The following PLXNC1 variants were observed in gnomAD, a reference collection of about 807,000 sequenced individuals.
The protein encoded by PLXNC1 is plexin-C1.
PLXNC1 carries 75 observed loss-of-function variants against 178.2 expected under a neutral mutation model. The ratio of observed to expected loss-of-function variants is 0.42; its 90% CI spans 0.35 to 0.51. The LOEUF is 0.51. PLXNC1 is among the 20% of genes least tolerant of loss of function. The pLI is 0.02. For missense variants in PLXNC1, 1,503 were observed against 1,984.4 expected (o/e 0.76, Z 4.61); for synonymous variants, 790 against 779.9 (o/e 1.01, Z -0.22).
At chr12:94,158,006 C>G (rs1010480821) in intron 1 of PLXNC1, 1 of 152,154 alleles carries the variant, frequency 6.6e-6, no homozygotes, top group African/African-American at 2.4e-5. Context: ...GCTCATGGGC[C>G]GTTTGAAAAA....
At chr12:94,288,583 T>C (rs1268767001) in intron 23 of PLXNC1, among the ~76,000 whole-genome samples, 1 of 152,226 alleles carries the variant, frequency 6.6e-6, no homozygotes, top group Non-Finnish European at 1.5e-5. Flanking sequence ...GTCCAGAACC[T>C]TCTGTGTGAT....
Position 94,213,872 on chromosome 12 carries a change from T to TG in PLXNC1, c.1554+4168_1554+4169insG, listed in dbSNP as rs1406866954. On this transcript the variant is annotated intron_variant, in intron 5 of 30. Transcript: ENST00000258526. ...GATCCAGTTTCCGCTTTCTACATTTTTTTTTTTTTTTTGAGATGGAGTCTT... is the reference window on the plus strand; with the variant it reads ...GATCCAGTTTCCGCTTTCTACATTTTGTTTTTTTTTTTTGAGATGGAGTCTT... 9.3e-4 allele frequency among the ~76,000 whole-genome samples: 140 copies of TG among 150,016 alleles called. 2 individuals carry two copies. Among genetic ancestry groups the TG allele is most frequent in the Middle Eastern group, 6.8e-3 (2 of 294 alleles).
At chr12:94,177,197 A>G (rs1565794412) in intron 2 of PLXNC1, among the ~76,000 whole-genome samples, 2 of 38,812 alleles carry the variant, frequency 5.2e-5, no homozygotes, top group South Asian at 6.0e-4. Context: ...GTATATATAT[A>G]TACGTATATA....
chr12:94,229,881 A>C (rs1278653040), intron 9 of PLXNC1, among the ~76,000 whole-genome samples: 2 of 152,226 alleles, frequency 1.3e-5, no homozygotes, highest in African/African-American at 4.8e-5. Context: ...GAAAATAATA[A>C]ACTTTTAATT....
rs1966278618 is a variant in PLXNC1 at position 94,279,658 on chromosome 12, G to A, written c.3775+9G>A. The A allele has an allele frequency of 1.2e-6, 2 of 1,613,486 alleles. No individual in the cohort carries two copies. The highest frequency in any genetic ancestry group is 1.3e-5 in the African/African-American group (1 of 75,044). ...TAATGAAATTGGTCTTGGTAAGGCGGTGCGGGAGCTATGTGGTCCCAGGCC... is the reference window on the plus strand; with the variant it reads ...TAATGAAATTGGTCTTGGTAAGGCGATGCGGGAGCTATGTGGTCCCAGGCC... On this transcript the variant is annotated intron_variant, in intron 22 of 30. Transcript: ENST00000258526.
chr12:94,208,719 G>A (rs1482560016), intron 4 of PLXNC1, among the ~76,000 whole-genome samples: 1 of 152,206 alleles, frequency 6.6e-6, no homozygotes, highest in East Asian at 1.9e-4. Flanking sequence ...TGGAATATCT[G>A]TGGAGTCCAA....
intron 5 of PLXNC1, among the ~76,000 whole-genome samples, chr12:94,210,766 A>T (rs946228755): frequency 4.6e-5 from 7 of 152,200 alleles, no homozygotes; most frequent in Admixed American, 2.0e-4. Context: ...TGGAGAAAAA[A>T]AATAATAATA....
rs768720097 is a variant in PLXNC1, at chr12:94,255,304, A to T, written c.3087+8A>T. On this transcript the variant is annotated splice_region_variant and intron_variant, in intron 17 of 30. Coordinates refer to ENST00000258526, the MANE Select transcript of PLXNC1 (RefSeq NM_005761.3). The stretch of plus-strand genomic sequence containing the variant: ...AGAACTTTCTTCCCTGAGGTAAAAG[A>T]GCATTGATCATATTCCGAAGGTTGA... The T allele has an allele frequency of 6.5e-7, 1 of 1,536,816 alleles. No individual in the cohort carries two copies. Among genetic ancestry groups the T allele is most frequent in the East Asian group, 2.2e-5 (1 of 44,520 alleles).
intron 1 of PLXNC1, among the ~76,000 whole-genome samples, chr12:94,165,901 G>GC (rs1469742616): frequency 6.6e-6 from 1 of 151,990 alleles, no homozygotes; most frequent in Non-Finnish European, 1.5e-5. Flanking sequence ...AGGGAAGAGG[G>GC]CAAACGGGTT....
intron 1 of PLXNC1, among the ~76,000 whole-genome samples, chr12:94,161,409 A>G (rs1268782294): frequency 2.0e-5 from 3 of 152,192 alleles, no homozygotes; most frequent in Non-Finnish European, 1.5e-5. Context: ...ATGACTGTCT[A>G]AACACTTACA....
In PLXNC1 at chr12:94,172,085, T is replaced by C. The variant is rs190616680; in HGVS notation, c.1203+2792T>C. On this transcript the variant is annotated intron_variant, in intron 2 of 30. Transcript: ENST00000258526. ...TATTCAGAAGCTTTCAGCTTCTCCC[T>C]TGCCAAGGCTTGTCACCAGAACTGT... Among the ~76,000 whole-genome samples the C allele has an allele frequency of 9.1e-3, 1,385 of 152,346 alleles. 16 individuals are homozygous for C. Among genetic ancestry groups the C allele is most frequent in the South Asian group, 0.025 (122 of 4,832 alleles).
At chr12:94,211,127 A>T (rs1364009790) in intron 5 of PLXNC1, among the ~76,000 whole-genome samples, 4 of 152,232 alleles carry the variant, frequency 2.6e-5, no homozygotes, top group Non-Finnish European at 5.9e-5. Context: ...GCTCACTATT[A>T]CAAATTAATC....
rs1386862896 is a variant in PLXNC1 at position 94,149,044 on chromosome 12, C to T, written c.73C>T (p.Leu25=). Residue 25 remains leucine (L), a synonymous_variant, in exon 1 of 31, where the codon CTG becomes TTG. Transcript: ENST00000258526. ...AGCGCCACTGCCCCTGCTCGCCTATCTGCTGGCACTGGCGGCTCCCGGCCG... is the reference window on the plus strand; with the variant it reads ...AGCGCCACTGCCCCTGCTCGCCTATTTGCTGGCACTGGCGGCTCCCGGCCG... ...PAAPLPLLAY[L]LALAAPGRGA... is the part of the protein sequence containing the mutation. The T allele has an allele frequency of 2.6e-6, 4 of 1,525,024 alleles. No individual in the cohort carries two copies. The highest frequency in any genetic ancestry group is 3.5e-6 in the Non-Finnish European group (4 of 1,143,862). 94.5% of individuals were successfully genotyped at this position (1,525,024 alleles called of 1,614,324 possible).
chr12:94,206,298 G>A (rs1963297467), intron 4 of PLXNC1, among the ~76,000 whole-genome samples: 2 of 151,764 alleles, frequency 1.3e-5, no homozygotes, highest in African/African-American at 4.8e-5. Flanking sequence ...GGAGGGGGCG[G>A]TTACATACTT....
intron 12 of PLXNC1, among the ~76,000 whole-genome samples, chr12:94,246,599 G>C (rs1964536633): frequency 1.3e-5 from 2 of 152,228 alleles, no homozygotes; most frequent in Non-Finnish European, 2.9e-5. Context: ...TTTGTCACGA[G>C]TATGGAACTG....
intron 5 of PLXNC1, among the ~76,000 whole-genome samples, chr12:94,213,868 A>AT (rs779977778): frequency 0.25 from 35,564 of 140,758 alleles, 4,787 homozygotes; most frequent in African/African-American, 0.32. Context: ...CGCTTTCTAC[A>AT]TTTTTTTTTT....
chr12:94,192,481 C>T (rs1285064188), intron 4 of PLXNC1, among the ~76,000 whole-genome samples: 1 of 151,086 alleles, frequency 6.6e-6, no homozygotes, highest in Non-Finnish European at 1.5e-5. Flanking sequence ...AACAAACAAC[C>T]CCCAAATCCT....
At chr12:94,280,461 C>T (rs1966354105) in intron 22 of PLXNC1, among the ~76,000 whole-genome samples, 2 of 152,336 alleles carry the variant, frequency 1.3e-5, no homozygotes, top group East Asian at 3.9e-4. Flanking sequence ...CCTCCCAGTC[C>T]AGCCCCCTGC....
intron 4 of PLXNC1, among the ~76,000 whole-genome samples, chr12:94,191,223 GC>G (rs1962710072): frequency 6.6e-6 from 1 of 152,108 alleles, no homozygotes; most frequent in African/African-American, 2.4e-5. Flanking sequence ...CTGGGTTCTG[GC>G]CTACAATGAA....
Sources: allele counts gnomAD v4.1 joint callset (sites outside exome capture counted in the v4.1 genomes callset), GRCh38; gene constraint gnomAD v4.1.1; transcripts MANE v1.5; gene names NCBI Gene and HGNC (gene_info 2026-07-23, HGNC 2026-07-21).